FGF14: variants seen among roughly 807,000 people sequenced by gnomAD.
FGF14 encodes the protein fibroblast growth factor homologous factor 4.
In FGF14, 5 loss-of-function variants were observed where a neutral mutation model predicts 25.5. The ratio of observed to expected loss-of-function variants is 0.20; its 90% confidence interval spans 0.10 to 0.41. The LOEUF is 0.41. Ranked by LOEUF, FGF14 falls within the 10% of genes least tolerant of loss-of-function variation. The pLI is 1.00. For synonymous variants in FGF14, 138 were observed against 118.3 expected (o/e 1.17, Z -1.08); for missense variants, 222 against 320.1 (o/e 0.69, Z 2.34).
At chr13:102,282,473 T>C (rs1250780524) in intron 1 of FGF14, among the ~76,000 whole-genome samples, 1 of 152,202 alleles carries the variant, frequency 6.6e-6, no homozygotes, top group South Asian at 2.1e-4. Flanking sequence ...TTTCATTTTC[T>C]TTCCAATGAA....
chr13:102,099,134 C>T (rs1785354916), intron 1 of FGF14, among the ~76,000 whole-genome samples: 1 of 152,124 alleles, frequency 6.6e-6, no homozygotes, highest in South Asian at 2.1e-4. Context: ...CCCTTCTCAG[C>T]TGAGGGTCTT....
intron 1 of FGF14, among the ~76,000 whole-genome samples, chr13:101,984,070 T>C (rs1458103576): frequency 6.6e-6 from 1 of 152,188 alleles, no homozygotes; most frequent in Non-Finnish European, 1.5e-5. Flanking sequence ...TTCCCATTCA[T>C]ATAACAGAGA....
At chr13:102,376,578 T>C (rs989898692) in intron 1 of FGF14, among the ~76,000 whole-genome samples, 8 of 152,290 alleles carry the variant, frequency 5.3e-5, no homozygotes, top group African/African-American at 1.9e-4. Context: ...GTATACACAA[T>C]GGTCTGGTCT....
At chr13:102,201,540 C>T (rs935491686) in intron 1 of FGF14, among the ~76,000 whole-genome samples, 2 of 152,122 alleles carry the variant, frequency 1.3e-5, no homozygotes, top group Non-Finnish European at 2.9e-5. Flanking sequence ...CACTGAAAAT[C>T]GTCTCCAGGG....
At chr13:101,814,928 C>A (rs1029409332) in intron 3 of FGF14, among the ~76,000 whole-genome samples, 13 of 152,082 alleles carry the variant, frequency 8.5e-5, no homozygotes, top group Admixed American at 3.9e-4. Context: ...TTACAAGTAA[C>A]CTGTAAATAA....
chr13:102,288,266 G>C (rs1414648086), intron 1 of FGF14, among the ~76,000 whole-genome samples: 1 of 152,102 alleles, frequency 6.6e-6, no homozygotes, highest in Non-Finnish European at 1.5e-5. Flanking sequence ...CAAATAATGT[G>C]AGCCTTATTC....
chr13:102,135,287 C>G (rs551929355), intron 1 of FGF14, among the ~76,000 whole-genome samples: 6 of 152,102 alleles, frequency 3.9e-5, no homozygotes, highest in Non-Finnish European at 7.4e-5. Flanking sequence ...ACAATTTTTT[C>G]ATGAACACAG....
At position 102,099,274 on chromosome 13, in the gene FGF14, T is replaced by C. The variant is rs141696118; in HGVS notation, c.209-223978A>G. ...ATGCATATTTTACAAGGGCCAAAAT[T>C]AGTGGAAAGAGGACAGAAATAACAG... On this transcript the variant is annotated intron_variant, in intron 1 of 4. Coordinates refer to the FGF14 transcript ENST00000376131. Among the ~76,000 whole-genome samples, 413 of 152,278 alleles carry C rather than the reference T, an allele frequency of 2.7e-3. 1 individual carries two copies. The highest frequency in any genetic ancestry group is 4.4e-3 in the Non-Finnish European group (298 of 68,028).
intron 1 of FGF14, among the ~76,000 whole-genome samples, chr13:102,159,407 C>T (rs1008976811): frequency 6.6e-6 from 1 of 152,164 alleles, no homozygotes; most frequent in Non-Finnish European, 1.5e-5. Context: ...GGCATCAGTA[C>T]AGAGTACAAA....
chr13:102,084,099 T>C (rs1259324601), intron 1 of FGF14, among the ~76,000 whole-genome samples: 3 of 152,096 alleles, frequency 2.0e-5, no homozygotes, highest in Non-Finnish European at 4.4e-5. Flanking sequence ...CATCCTGGAA[T>C]GTGCTTTTCT....
Position 101,722,165 on chromosome 13 carries a change from G to A in FGF14, c.*666C>T, listed in dbSNP as rs1244047388. ...ATCTGCTACTGGACAGAGCGTATAT[G>A]TGTGTTTAATCGATAGTGTGAGCCA... On this transcript the variant is annotated 3_prime_UTR_variant, in exon 5 of 5. Coordinates refer to ENST00000376143, the MANE Select transcript of FGF14 (RefSeq NM_004115.4). 1 of 165,748 alleles carries A rather than the reference G, an allele frequency of 6.0e-6. No individual in the cohort carries two copies. Among genetic ancestry groups the A allele is most frequent in the African/African-American group, 2.4e-5 (1 of 41,512 alleles). 10.3% of individuals were successfully genotyped at this position (165,748 alleles called of 1,614,324 possible).
intron 1 of FGF14, among the ~76,000 whole-genome samples, chr13:102,299,437 G>A (rs1028111510): frequency 6.6e-6 from 1 of 152,138 alleles, no homozygotes; most frequent in Non-Finnish European, 1.5e-5. Flanking sequence ...TAAAGGTTAG[G>A]AGAATTTCAG....
intron 1 of FGF14, among the ~76,000 whole-genome samples, chr13:102,120,809 T>C (rs1420013528): frequency 1.3e-5 from 2 of 151,904 alleles, no homozygotes; most frequent in Non-Finnish European, 2.9e-5. Flanking sequence ...GCTCAAGCGA[T>C]TCTCCTGCCT....
chr13:102,208,805 G>C (rs1434923170), intron 1 of FGF14, among the ~76,000 whole-genome samples: 2 of 152,140 alleles, frequency 1.3e-5, no homozygotes, highest in Non-Finnish European at 2.9e-5. Context: ...TATTTATCAA[G>C]GGTGGGTCAT....
At chr13:101,740,180 C>T (rs914957737) in intron 3 of FGF14, among the ~76,000 whole-genome samples, 11 of 152,118 alleles carry the variant, frequency 7.2e-5, no homozygotes, top group Admixed American at 2.6e-4. Flanking sequence ...AGTAGCTTGC[C>T]GATGTTCCCA....
At chr13:102,159,233 T>C (rs530473835) in intron 1 of FGF14, among the ~76,000 whole-genome samples, 183 of 151,700 alleles carry the variant, frequency 1.2e-3, no homozygotes, top group African/African-American at 4.3e-3. Flanking sequence ...TAATAGAATA[T>C]GGCAAATGTA....
At chr13:101,804,299 G>T (rs559988788) in intron 3 of FGF14, among the ~76,000 whole-genome samples, 1 of 152,224 alleles carries the variant, frequency 6.6e-6, no homozygotes, top group Non-Finnish European at 1.5e-5. Flanking sequence ...GAAAGTGATG[G>T]AATGAAATGG....
intron 1 of FGF14, among the ~76,000 whole-genome samples, chr13:102,122,751 T>G (rs988434058): frequency 7.9e-5 from 12 of 152,206 alleles, no homozygotes; most frequent in Admixed American, 2.6e-4. Flanking sequence ...AAATAAATGA[T>G]AGCAAATACT....
intron 3 of FGF14, chr13:101,802,184 C>G (rs1300062518): frequency 4.0e-6 from 1 of 247,462 alleles, no homozygotes; most frequent in African/African-American, 2.3e-5. Flanking sequence ...GTTCAGAAGT[C>G]CACTTCAAGG....
Sources: allele counts gnomAD v4.1 joint callset (sites outside exome capture counted in the v4.1 genomes callset), GRCh38; gene constraint gnomAD v4.1.1; transcripts MANE v1.5; gene names NCBI Gene and HGNC (gene_info 2026-07-23, HGNC 2026-07-21).